The following CLTCL1 variants were observed in gnomAD, a reference collection of about 807,000 sequenced individuals.
The protein encoded by CLTCL1 is clathrin heavy chain 2.
In CLTCL1, 159 loss-of-function variants were observed where a neutral mutation model predicts 190.0. The observed-to-expected ratio is 0.84, with a 90% confidence interval of 0.74 to 0.95. The LOEUF is 0.95. Ranked by LOEUF, CLTCL1 falls within the 40% of genes least tolerant of loss-of-function variation. The pLI is 0.00. For missense variants in CLTCL1, 1,878 were observed against 2,033.4 expected, an observed-to-expected ratio of 0.92 and a Z score of 1.47; for synonymous variants, 752 against 769.6, an observed-to-expected ratio of 0.98 and a Z score of 0.38.
At chr22:19,231,047 C>A (rs537665393) in intron 10 of CLTCL1, among the ~76,000 whole-genome samples, 2 of 152,296 alleles carry the variant, frequency 1.3e-5, no homozygotes, top group African/African-American at 4.8e-5. Flanking sequence ...ACCAAAGGCC[C>A]CCCAGGGTTC....
intron 22 of CLTCL1, chr22:19,207,740 C>T: frequency 4.1e-6 from 2 of 485,110 alleles, no homozygotes; most frequent in Non-Finnish European, 7.2e-6. Flanking sequence ...AGATCAGCAG[C>T]AGCATTAGAT....
rs1555960151 is a variant in CLTCL1, at chr22:19,233,422, C to G, written c.1368G>C (p.Lys456Asn). ...QLLEKWLKED[K>N]LECSEELGDL... ...GCTACGAGCTCACAAGTGTTTCTACCTTATCTTCTTTCAGCCACTTCTCTA... is the reference window on the plus strand; with the variant it reads ...GCTACGAGCTCACAAGTGTTTCTACGTTATCTTCTTTCAGCCACTTCTCTA... The change falls in exon 8 of 33, where the codon AAG (lysine) becomes AAC (asparagine). Residue 456 changes from lysine (K) to asparagine (N), a missense_variant and splice_region_variant. Coordinates refer to ENST00000427926, the MANE Select transcript of CLTCL1 (RefSeq NM_007098.4). 1 of 1,613,498 alleles carries G rather than the reference C, an allele frequency of 6.2e-7. No homozygotes were observed. Among genetic ancestry groups the G allele is most frequent in the Non-Finnish European group, 8.5e-7 (1 of 1,179,646 alleles).
rs1569261018 is a variant in CLTCL1, at chr22:19,283,711, GC to G, written c.43-7882del. Among the ~76,000 whole-genome samples the G allele has an allele frequency of 2.0e-5, 3 of 152,012 alleles. No individual in the cohort carries two copies. In the South Asian group the frequency reaches 6.3e-4, roughly 32 times the overall value. ...TCAAAATTCAAATCTGACAATGGGGGCCAGACATGGTGGCTCATGCCTGTAA... is the reference window on the plus strand; with the variant it reads ...TCAAAATTCAAATCTGACAATGGGGGCAGACATGGTGGCTCATGCCTGTAA... On this transcript the variant is annotated intron_variant, in intron 1 of 32. Transcript: ENST00000427926.
intron 10 of CLTCL1, 107 bp downstream of exon 10, chr22:19,232,369 G>A: frequency 6.8e-7 from 1 of 1,460,114 alleles, no homozygotes. Flanking sequence ...AAGATTAATA[G>A]CAGATGAAGA....
chr22:19,241,003 C>G (rs539756355), intron 4 of CLTCL1, among the ~76,000 whole-genome samples: 4 of 152,210 alleles, frequency 2.6e-5, no homozygotes, highest in Non-Finnish European at 5.9e-5. Flanking sequence ...TGGGCACAGG[C>G]GGGGCGGGCA....
chr22:19,192,256 G>A (rs1386785323), intron 26 of CLTCL1, among the ~76,000 whole-genome samples: 3 of 151,980 alleles, frequency 2.0e-5, no homozygotes, highest in Admixed American at 1.3e-4. Flanking sequence ...TAGTAGAGCC[G>A]GGGTTTCACC....
chr22:19,186,849 C>T (rs2084332134), intron 29 of CLTCL1, among the ~76,000 whole-genome samples: 1 of 152,188 alleles, frequency 6.6e-6, no homozygotes, highest in African/African-American at 2.4e-5. Flanking sequence ...GATCTGCCCA[C>T]CTCAGCCTCC....
chr22:19,188,353 T>C (rs2084382400), intron 27 of CLTCL1, among the ~76,000 whole-genome samples: 2 of 152,226 alleles, frequency 1.3e-5, no homozygotes, highest in Non-Finnish European at 2.9e-5. Context: ...CACAATAAAG[T>C]GAACATTGCA....
intron 13 of CLTCL1, 140 bp downstream of exon 13, chr22:19,225,313 G>A (rs774701988): frequency 5.0e-5 from 40 of 798,766 alleles, no homozygotes; most frequent in African/African-American, 1.6e-4. Context: ...TTCTGCCACC[G>A]ACTGAGCACC....
chr22:19,222,877 T>C (rs2085620426), intron 14 of CLTCL1, 68 bp from the exon 15 acceptor site: 1 of 1,543,560 alleles, frequency 6.5e-7, no homozygotes, highest in African/African-American at 1.4e-5. Context: ...TCGGACTCAT[T>C]GCACACATGG....
intron 11 of CLTCL1, among the ~76,000 whole-genome samples, chr22:19,227,549 G>A (rs1555956798): frequency 1.3e-5 from 2 of 151,670 alleles, no homozygotes; most frequent in Non-Finnish European, 2.9e-5. Flanking sequence ...CCGTCTCACG[G>A]GTTCAAGTGA....
rs1555954331 is a variant in CLTCL1 at position 19,224,074 on chromosome 22, C to T, written c.2129-20G>A. On this transcript the variant is annotated intron_variant, in intron 13 of 32. Transcript: ENST00000427926. ...AGAGGCCTATGAAGAGAGACCATTC[C>T]ATTTTTGTCCTTGTAACACCTGCCT... 6.2e-7 allele frequency: 1 copy of T among 1,613,134 alleles called. No individual in the cohort carries two copies.
At position 19,233,420 on chromosome 22, in the gene CLTCL1, A is replaced by G. The variant is rs1555960149; in HGVS notation, c.1368+2T>C. 1 of 1,613,468 alleles carries G rather than the reference A, an allele frequency of 6.2e-7. No individual in the cohort carries two copies. On this transcript the variant is annotated splice_donor_variant, in intron 8 of 32. Coordinates refer to ENST00000427926, the MANE Select transcript of CLTCL1 (RefSeq NM_007098.4). LOFTEE classifies it high-confidence loss of function. ...GGGCTACGAGCTCACAAGTGTTTCT[A>G]CCTTATCTTCTTTCAGCCACTTCTC...
chr22:19,271,296 T>C (rs754699476), intron 2 of CLTCL1, among the ~76,000 whole-genome samples: 32 of 152,186 alleles, frequency 2.1e-4, no homozygotes, highest in Non-Finnish European at 3.5e-4. Flanking sequence ...GAGAGGGACC[T>C]GGTGGGAGGT....
intron 1 of CLTCL1, among the ~76,000 whole-genome samples, chr22:19,285,862 T>C (rs1555989832): frequency 6.6e-6 from 1 of 152,190 alleles, no homozygotes; most frequent in African/African-American, 2.4e-5. Flanking sequence ...ATAGATGCAG[T>C]GATCTGTCTG....
rs1555939111 is a variant in CLTCL1, at chr22:19,201,326, CA to C, written c.3765+2del. ...CTGCCGTCTGCAGTTGCCCGCAGCT[CA>C]CCTCCTTCCACGTCCGGGTGCTGCT... On this transcript the variant is annotated splice_donor_variant, in intron 23 of 32. Coordinates refer to ENST00000427926, the MANE Select transcript of CLTCL1 (RefSeq NM_007098.4). LOFTEE classifies it high-confidence loss of function. 1.2e-6 allele frequency: 2 copies of C among 1,608,210 alleles called. No homozygotes were observed. Among genetic ancestry groups the C allele is most frequent in the Non-Finnish European group, 1.7e-6 (2 of 1,177,682 alleles).
chr22:19,249,980 G>A (rs1164473431), intron 3 of CLTCL1: 49 of 360,940 alleles, frequency 1.4e-4, no homozygotes, highest in South Asian at 8.8e-4. Flanking sequence ...TGGGCCGGGC[G>A]CGGTGGCTCA....
At chr22:19,189,184 T>A (rs1462900741) in intron 27 of CLTCL1, among the ~76,000 whole-genome samples, 3 of 152,232 alleles carry the variant, frequency 2.0e-5, no homozygotes, top group African/African-American at 7.2e-5. Flanking sequence ...ATTACAGGCG[T>A]GAGCCACCGC....
intron 3 of CLTCL1, among the ~76,000 whole-genome samples, chr22:19,244,461 A>T (rs1555967117): frequency 6.6e-6 from 1 of 152,260 alleles, no homozygotes; most frequent in African/African-American, 2.4e-5. Flanking sequence ...GTAAACCAGC[A>T]GATAAGTGGT....
Sources: allele counts gnomAD v4.1 joint callset (sites outside exome capture counted in the v4.1 genomes callset), GRCh38; gene constraint gnomAD v4.1.1; transcripts MANE v1.5; gene names NCBI Gene and HGNC (gene_info 2026-07-23, HGNC 2026-07-21).